DHRS7B: variants seen among roughly 807,000 people sequenced by gnomAD.
The protein encoded by DHRS7B is peroxisomal reductase activating PPAR-gamma.
A neutral mutation model predicts 26.4 loss-of-function variants in DHRS7B; 24 were observed. That is an observed-to-expected ratio of 0.91 (90% CI 0.66 to 1.28). DHRS7B has a LOEUF of 1.28. Among genes scored for constraint, DHRS7B ranks in the 50% most tolerant of loss-of-function variants. The probability of loss-of-function intolerance (pLI) is 0.00; values close to 1 mark genes in which losing one functional copy is unlikely to be tolerated. For missense variants in DHRS7B, 368 were observed against 419.4 expected (o/e 0.88, Z 1.07); for synonymous variants, 142 against 166.4 (o/e 0.85, Z 1.13).
At chr17:21,153,701 A>G (rs1310690155) in intron 1 of DHRS7B, among the ~76,000 whole-genome samples, 2 of 152,176 alleles carry the variant, frequency 1.3e-5, no homozygotes, top group Non-Finnish European at 2.9e-5. Context: ...GTGCCATCTA[A>G]GTGTCCTCAC....
At chr17:21,184,606 A>G (rs1187274202) in intron 5 of DHRS7B, 143 bp downstream of exon 5, 5 of 803,864 alleles carry the variant, frequency 6.2e-6, no homozygotes, top group South Asian at 1.8e-5. Flanking sequence ...TGTTCTCCAG[A>G]GCCACATGCC....
Position 21,136,291 on chromosome 17 carries a change from A to G in DHRS7B, c.20+9300A>G, listed in dbSNP as rs146146242. On this transcript the variant is annotated intron_variant, in intron 1 of 6. Coordinates refer to ENST00000395511, the MANE Select transcript of DHRS7B (RefSeq NM_015510.5). ...CACTCCAGCCTGGGCAACAAGAGCA[A>G]AACTCCATTAAAAAAAAAAAGAAAA... 9.3e-3 allele frequency among the ~76,000 whole-genome samples: 1,410 copies of G among 150,948 alleles called. 28 individuals carry two copies. The highest frequency in any genetic ancestry group is 0.033 in the African/African-American group (1,331 of 40,712).
At chr17:21,158,289 T>G (rs1973924671) in intron 1 of DHRS7B, among the ~76,000 whole-genome samples, 1 of 152,162 alleles carries the variant, frequency 6.6e-6, no homozygotes, top group African/African-American at 2.4e-5. Context: ...TCCTATATAG[T>G]GCAGTAAGAC....
At chr17:21,134,502 A>G (rs900612283) in intron 1 of DHRS7B, among the ~76,000 whole-genome samples, 16 of 152,178 alleles carry the variant, frequency 1.1e-4, no homozygotes, top group African/African-American at 3.9e-4. Context: ...GAAACCCTGT[A>G]CATGGACTGT....
At chr17:21,165,265 G>A (rs946801360) in intron 1 of DHRS7B, among the ~76,000 whole-genome samples, 2 of 152,076 alleles carry the variant, frequency 1.3e-5, no homozygotes, top group South Asian at 2.1e-4. Context: ...GTGGGTGCGG[G>A]GGGCCTGGGG....
At chr17:21,155,222 A>G (rs1283324063) in intron 1 of DHRS7B, among the ~76,000 whole-genome samples, 1 of 152,312 alleles carries the variant, frequency 6.6e-6, no homozygotes, top group African/African-American at 2.4e-5. Context: ...AAAGAATAAG[A>G]CCCAAATATA....
At chr17:21,168,164 C>T (rs1974155118) in intron 1 of DHRS7B, among the ~76,000 whole-genome samples, 5 of 152,198 alleles carry the variant, frequency 3.3e-5, no homozygotes, top group Admixed American at 1.3e-4. Context: ...TGGCCACATG[C>T]CCTGCATAGT....
intron 2 of DHRS7B, among the ~76,000 whole-genome samples, chr17:21,174,910 G>A (rs1303950654): frequency 2.0e-5 from 3 of 152,170 alleles, no homozygotes; most frequent in Non-Finnish European, 4.4e-5. Context: ...GGGCTCTGCT[G>A]CTCTGCTGAG....
chr17:21,142,312 A>G (rs182201698), intron 1 of DHRS7B, among the ~76,000 whole-genome samples: 14 of 152,284 alleles, frequency 9.2e-5, no homozygotes, highest in East Asian at 5.8e-4. Context: ...TCTGGAATCT[A>G]TAGATAACAT....
chr17:21,187,519 G>T (rs955846276), intron 5 of DHRS7B, among the ~76,000 whole-genome samples: 34 of 151,706 alleles, frequency 2.2e-4, no homozygotes, highest in African/African-American at 7.5e-4. Flanking sequence ...CCAGCTACTC[G>T]GGAGGCTGAG....
intron 6 of DHRS7B, 77 bp from the exon 7 acceptor site, chr17:21,190,871 G>A (rs991797279): frequency 6.7e-6 from 10 of 1,493,424 alleles, no homozygotes; most frequent in African/African-American, 4.2e-5. Flanking sequence ...CTGACCTGAC[G>A]ACTCACATCA....
At chr17:21,129,704 C>CAAAAAAAAAA (rs61077377) in intron 1 of DHRS7B, among the ~76,000 whole-genome samples, 16 of 74,734 alleles carry the variant, frequency 2.1e-4, no homozygotes, top group African/African-American at 3.3e-4. Context: ...GACCCTGACT[C>CAAAAAAAAAA]AAAAAAAAAA....
At chr17:21,138,208 CTTCTTTTTT>C (rs1439490306) in intron 1 of DHRS7B, among the ~76,000 whole-genome samples, 1 of 104,946 alleles carries the variant, frequency 9.5e-6, no homozygotes, top group Admixed American at 9.7e-5. Context: ...TCCATCCCTC[CTTCTTTTTT>C]TTTTTTTTTT....
chr17:21,185,348 T>C (rs990288495), intron 5 of DHRS7B, among the ~76,000 whole-genome samples: 1 of 152,196 alleles, frequency 6.6e-6, no homozygotes, highest in Non-Finnish European at 1.5e-5. Context: ...AACATCCAGT[T>C]CCATGACACT....
chr17:21,151,676 C>G (rs1418831451), intron 1 of DHRS7B, among the ~76,000 whole-genome samples: 1 of 152,154 alleles, frequency 6.6e-6, no homozygotes, highest in Non-Finnish European at 1.5e-5. Flanking sequence ...ATCACACTTA[C>G]TGGAGCAGAA....
At chr17:21,148,227 T>A (rs1973683790) in intron 1 of DHRS7B, among the ~76,000 whole-genome samples, 1 of 151,678 alleles carries the variant, frequency 6.6e-6, no homozygotes, top group Non-Finnish European at 1.5e-5. Flanking sequence ...AAAAAATAAT[T>A]TTTAAAAAAA....
At chr17:21,168,226 G>A (rs572388252) in intron 1 of DHRS7B, among the ~76,000 whole-genome samples, 3 of 152,292 alleles carry the variant, frequency 2.0e-5, no homozygotes, top group East Asian at 3.9e-4. Context: ...GGAAAGAGTC[G>A]GGATTATCAA....
At chr17:21,185,536 T>A (rs1974611660) in intron 5 of DHRS7B, among the ~76,000 whole-genome samples, 1 of 152,262 alleles carries the variant, frequency 6.6e-6, no homozygotes, top group African/African-American at 2.4e-5. Context: ...TGTACATGCA[T>A]GATTTCCCTG....
intron 1 of DHRS7B, among the ~76,000 whole-genome samples, chr17:21,149,064 C>T (rs1383748989): frequency 6.6e-6 from 1 of 151,800 alleles, no homozygotes; most frequent in Non-Finnish European, 1.5e-5. Flanking sequence ...CTAAGAGCAG[C>T]AAGAAAAAAG....
Sources: gnomAD v4.1 joint callset for allele counts (sites outside exome capture counted in the v4.1 genomes callset) on GRCh38, gnomAD v4.1.1 for gene constraint, MANE v1.5 for transcripts, NCBI Gene and HGNC (gene_info 2026-07-23, HGNC 2026-07-21) for gene names.